SEZ6L2: variants seen among roughly 807,000 people sequenced by gnomAD.
SEZ6L2 encodes seizure 6-like protein 2.
SEZ6L2 carries 44 observed loss-of-function variants against 97.0 expected under a neutral mutation model. That is an observed-to-expected ratio of 0.45 (90% confidence interval 0.36 to 0.58). The LOEUF is 0.58. Among genes scored for constraint, SEZ6L2 ranks in the 20% least tolerant of loss-of-function variants. SEZ6L2 has a pLI of 0.00. For synonymous variants in SEZ6L2, 543 were observed against 546.1 expected (o/e 0.99, Z 0.08); for missense variants, 1,086 against 1,233.3 (o/e 0.88, Z 1.79).
intron 5 of SEZ6L2, among the ~76,000 whole-genome samples, chr16:29,889,195 C>A (rs984285037): frequency 6.6e-6 from 1 of 152,118 alleles, no homozygotes; most frequent in South Asian, 2.1e-4. Context: ...GTAATCCCAG[C>A]ACTTTTGGAG....
chr16:29,885,675 C>G lies in SEZ6L2; in HGVS notation c.1283G>C (p.Arg428Pro), dbSNP rs780031365. ...YDSDMDDVPERGLISDAQSLY... is the reference protein window; with the variant it reads ...YDSDMDDVPEPGLISDAQSLY... ...GGACTGGGCGTCACTGATGAGACCCCGCTCGGGGACATCGTCCATGTCCGA... is the reference window on the plus strand; with the variant it reads ...GGACTGGGCGTCACTGATGAGACCCGGCTCGGGGACATCGTCCATGTCCGA... The change falls in exon 8 of 18, where the codon CGG (arginine) becomes CCG (proline). Residue 428 changes from arginine (R) to proline (P), a missense_variant. Physicochemically the swap from Arg to Pro is moderately radical, Grantham distance 103. This residue lies in a region of SEZ6L2 where 776 missense variants were observed against 794.7 expected (regional missense o/e 0.98). Transcript: ENST00000617533. 1.2e-6 allele frequency: 2 copies of G among 1,613,848 alleles called. No homozygotes were observed. The highest frequency in any genetic ancestry group is 1.7e-6 in the Non-Finnish European group (2 of 1,179,982).
At chr16:29,875,661 C>CTTTTTTTTT (rs149293940) in intron 12 of SEZ6L2, among the ~76,000 whole-genome samples, 37 of 112,708 alleles carry the variant, frequency 3.3e-4, no homozygotes, top group Non-Finnish European at 4.5e-4. Context: ...TTCTTTCTTT[C>CTTTTTTTTT]TTTCTTTTTT....
At chr16:29,895,686 G>A (rs1329283490) in intron 4 of SEZ6L2, 35 bp downstream of exon 4, 6 of 1,594,602 alleles carry the variant, frequency 3.8e-6, no homozygotes, top group Admixed American at 3.5e-5. Flanking sequence ...GAAAAGGCTT[G>A]GAAGCTGCAC....
At position 29,895,301 on chromosome 16, in the gene SEZ6L2, G is replaced by A; in HGVS notation, c.811C>T (p.Pro271Ser). 1 of 1,614,156 alleles carries A rather than the reference G, an allele frequency of 6.2e-7. No homozygotes were observed. The highest frequency in any genetic ancestry group is 8.5e-7 in the Non-Finnish European group (1 of 1,180,032). Residue 271 changes from proline to serine, a missense_variant, in exon 5 of 18, where the codon CCA (proline) becomes TCA (serine). Physicochemically the swap from Pro to Ser is moderately conservative, Grantham distance 74. Transcript: ENST00000617533. ...TNRLLLHFQS[P>S]RVPRGGGFRI... Reference sequence around the variant, plus strand: ...AAGCCACCGCCCCTTGGGACCCGTGGGCTCTGGAAGTGCAGAAGCAGCCGG... The same window carrying A: ...AAGCCACCGCCCCTTGGGACCCGTGAGCTCTGGAAGTGCAGAAGCAGCCGG...
intron 9 of SEZ6L2, among the ~76,000 whole-genome samples, chr16:29,878,763 CTTTTT>C (rs529820559): frequency 7.8e-6 from 1 of 127,946 alleles, no homozygotes; most frequent in African/African-American, 2.9e-5. Flanking sequence ...TTTCTTTTTT[CTTTTT>C]TTTTTTTTTT....
intron 5 of SEZ6L2, 59 bp downstream of exon 5, chr16:29,895,198 AAG>A: frequency 1.8e-6 from 2 of 1,084,040 alleles, no homozygotes; most frequent in Non-Finnish European, 2.7e-6. Context: ...AAAAAAAAAA[AAG>A]ATGTCCAGTG....
In SEZ6L2 at chr16:29,872,462, C is replaced by T; in HGVS notation, c.2592G>A (p.Leu864=). 6.2e-7 allele frequency: 1 copy of T among 1,614,244 alleles called. No individual in the cohort carries two copies. The highest frequency in any genetic ancestry group is 8.5e-7 in the Non-Finnish European group (1 of 1,180,040). ...EGGNLALAIL[L]PLGLVIVLGS... is the part of the protein sequence containing the mutation. ...CGAGGACAATGACCAAGCCTAGAGG[C>T]AGCAGGATGGCCAGGGCCAGGTTCC... is the stretch of plus-strand genomic sequence containing the variant. The change falls in exon 16 of 18, where the codon CTG becomes CTA. Residue 864 remains leucine (L), a synonymous_variant. Coordinates refer to ENST00000617533, the MANE Select transcript of SEZ6L2 (RefSeq NM_001243332.2).
In SEZ6L2 at chr16:29,872,823, G is replaced by A. The variant is rs538253340; in HGVS notation, c.2489-80C>T. ...TGGGAGGGGCCGGGAGCCCGGTGGGGCTGGGCTGGACAGCCTGGTTCTCTC... is the reference window on the plus strand; with the variant it reads ...TGGGAGGGGCCGGGAGCCCGGTGGGACTGGGCTGGACAGCCTGGTTCTCTC... On this transcript the variant is annotated intron_variant, in intron 14 of 17. Transcript: ENST00000617533. 1.1e-4 allele frequency: 136 copies of A among 1,231,270 alleles called. 3 individuals carry two copies. In the South Asian group the frequency reaches 1.6e-3, roughly 15 times the overall value. 76.3% of individuals were successfully genotyped at this position (1,231,270 alleles called of 1,614,324 possible).
Position 29,873,292 on chromosome 16 carries a change from G to A in SEZ6L2, c.2436C>T (p.Thr812=). 6.2e-7 allele frequency: 1 copy of A among 1,614,254 alleles called. No individual in the cohort carries two copies. Among genetic ancestry groups the A allele is most frequent in the Non-Finnish European group, 8.5e-7 (1 of 1,180,054 alleles). The change falls in exon 14 of 18, where the codon ACC becomes ACT. Residue 812 remains threonine, a synonymous_variant. Transcript: ENST00000617533. The surrounding 1 kb of genome is among the most constrained non-coding windows in gnomAD (Gnocchi z 4.3). ...ACTGGGAGGGGTGGCCGGGCACACA[G>A]GTGATGGTGACCTCGCCGATAAGCT... ...GFELIGEVTI[T]CVPGHPSQWT...
At position 29,895,228 on chromosome 16, in the gene SEZ6L2, GC is replaced by G; in HGVS notation, c.853+30del. ...GTCCAGTGTATGCAGTATGGCCCCT[GC>G]CCTTCCAGCAGCACCCTCAAACTCC... On this transcript the variant is annotated intron_variant, in intron 5 of 17. Transcript: ENST00000617533. 3 of 1,377,004 alleles carry G rather than the reference GC, an allele frequency of 2.2e-6. 1 individual carries two copies. The South Asian group carries it at 3.5e-5, about 16-fold the overall frequency. 85.3% of individuals were successfully genotyped at this position (1,377,004 alleles called of 1,614,324 possible). A position where few individuals can be genotyped will look rare whatever the true frequency, so the allele number is the denominator to read the frequency against.
At position 29,877,415 on chromosome 16, in the gene SEZ6L2, T is replaced by C; in HGVS notation, c.1765A>G (p.Ser589Gly). Residue 589 changes from serine to glycine, a missense_variant, in exon 11 of 18, where the codon AGC becomes GGC. Physicochemically the swap from Ser to Gly is moderately conservative, Grantham distance 56. Around this residue, in one of 2 missense-constraint regions of SEZ6L2, gnomAD observed 776 missense variants for 794.7 expected, o/e 0.98. Transcript: ENST00000617533. ...CGCAGCTGGGCCAAGACTCGGGCGC[T>C]GGGACCGTCCCCGTCGAACAGCGTC... Reference protein sequence around the residue: ...MLTLFDGDGPSARVLAQLRGP... With the variant: ...MLTLFDGDGPGARVLAQLRGP... 2 of 1,611,940 alleles carry C rather than the reference T, an allele frequency of 1.2e-6. No individual in the cohort carries two copies. The highest frequency in any genetic ancestry group is 1.7e-6 in the Non-Finnish European group (2 of 1,179,094).
At chr16:29,871,991 G>A (rs2067792741) in intron 17 of SEZ6L2, among the ~76,000 whole-genome samples, 196 bp downstream of exon 17, 1 of 152,096 alleles carries the variant, frequency 6.6e-6, no homozygotes, top group Non-Finnish European at 1.5e-5. Context: ...TTGAGATGGG[G>A]CACAAGTCCT....
At position 29,899,086 on chromosome 16, in the gene SEZ6L2, C is replaced by G; in HGVS notation, c.-67G>C. ...AATCTGGCTGCCACCTTTCCTCCGT[C>G]TCCGTTTATCTTTCCCTTTAATTGT... On this transcript the variant is annotated 5_prime_UTR_variant, in exon 1 of 18. Coordinates refer to ENST00000617533, the MANE Select transcript of SEZ6L2 (RefSeq NM_001243332.2). The G allele has an allele frequency of 3.1e-6, 3 of 964,352 alleles. No individual in the cohort carries two copies. In the South Asian group the frequency reaches 4.4e-5, roughly 14 times the overall value. 59.7% of individuals were successfully genotyped at this position (964,352 alleles called of 1,614,324 possible). A position where few individuals can be genotyped will look rare whatever the true frequency, so the allele number is the denominator to read the frequency against.
In SEZ6L2 at chr16:29,873,407, G is replaced by A. The variant is rs752867301; in HGVS notation, c.2321C>T (p.Pro774Leu). The A allele has an allele frequency of 1.9e-6, 3 of 1,614,138 alleles. No individual in the cohort carries two copies. The highest frequency in any genetic ancestry group is 1.3e-5 in the African/African-American group (1 of 74,956). Reference protein sequence around the residue: ...CALKYEPCLNPGVPENGYQTL... With the variant: ...CALKYEPCLNLGVPENGYQTL... ...CTGGTAGCCATTCTCGGGAACCCCC[G>A]GGTTCAGGCACGGCTCGTACTTCAC... Residue 774 changes from proline (P) to leucine (L), a missense_variant, in exon 14 of 18, where the codon CCG (proline) becomes CTG (leucine). This residue lies in a region of SEZ6L2 where 310 missense variants were observed against 438.6 expected (regional missense o/e 0.71). Coordinates refer to ENST00000617533, the MANE Select transcript of SEZ6L2 (RefSeq NM_001243332.2). The surrounding 1 kb of genome is among the most constrained non-coding windows in gnomAD (Gnocchi z 4.3).
chr16:29,888,798 T>TC, intron 5 of SEZ6L2, 73 bp from the exon 6 acceptor site: 2 of 1,346,618 alleles, frequency 1.5e-6, no homozygotes, highest in Non-Finnish European at 1.0e-6. Context: ...CCCCAGCACT[T>TC]CCCCCCTCTC....
Position 29,879,995 on chromosome 16 carries a change from T to C in SEZ6L2, c.1442A>G (p.Tyr481Cys), listed in dbSNP as rs1170743145. 1 of 1,614,198 alleles carries C rather than the reference T, an allele frequency of 6.2e-7. No homozygotes were observed. The highest frequency in any genetic ancestry group is 1.7e-5 in the Admixed American group (1 of 60,022). ...GAAGGTTGCCAGTGCCCCTGGGCGA[T>C]ACTCAGGGTCCGTGGTAGTGACATT... ...HGNVTTTDPEYRPGALATFSC... is the reference protein window; with the variant it reads ...HGNVTTTDPECRPGALATFSC... Residue 481 changes from tyrosine to cysteine, a missense_variant, in exon 9 of 18, where the codon TAT becomes TGT. This residue lies in a region of SEZ6L2 where 776 missense variants were observed against 794.7 expected (regional missense o/e 0.98). Transcript: ENST00000617533.
At chr16:29,894,597 T>C (rs943458660) in intron 5 of SEZ6L2, among the ~76,000 whole-genome samples, 3 of 152,128 alleles carry the variant, frequency 2.0e-5, no homozygotes, top group African/African-American at 7.2e-5. Context: ...ATTATAACCA[T>C]CCTGATTACT....
In SEZ6L2 at chr16:29,897,072, G is replaced by A. The variant is rs747109015; in HGVS notation, c.261C>T (p.Leu87=). ...TGGCCCGTGGCAGGGAGGGCACTGC[G>A]AGAGTCTGGCCGGCCGGAGGGGTGG... ...TLATPPAGQT[L]AVPSLPRATE... Residue 87 remains leucine (L), a synonymous_variant, in exon 3 of 18, where the codon CTC becomes CTT. Coordinates refer to ENST00000617533, the MANE Select transcript of SEZ6L2 (RefSeq NM_001243332.2). The A allele has an allele frequency of 2.2e-5, 35 of 1,581,908 alleles. No individual in the cohort carries two copies. Among genetic ancestry groups the A allele is most frequent in the Middle Eastern group, 1.9e-4 (1 of 5,350 alleles).
chr16:29,883,338 G>T (rs1046527759), intron 8 of SEZ6L2, among the ~76,000 whole-genome samples: 1 of 151,488 alleles, frequency 6.6e-6, no homozygotes, highest in Non-Finnish European at 1.5e-5. Context: ...ACAGGGTCTT[G>T]CTCTGTTGCC....
Sources: allele counts gnomAD v4.1 joint callset (sites outside exome capture counted in the v4.1 genomes callset), GRCh38; gene constraint gnomAD v4.1.1; regional missense constraint gnomAD v4.1.1; non-coding constraint Gnocchi (gnomAD v3.1); transcripts MANE v1.5; gene names NCBI Gene and HGNC (gene_info 2026-07-23, HGNC 2026-07-21).